PWWP2A: variants seen among roughly 807,000 people sequenced by gnomAD.
The protein encoded by PWWP2A is PWWP domain-containing protein 2A.
In PWWP2A, 18 loss-of-function variants were observed where a neutral mutation model predicts 48.5. The observed-to-expected ratio is 0.37, with a 90% CI of 0.26 to 0.55. PWWP2A has a LOEUF of 0.55. Ranked by LOEUF, PWWP2A falls within the 20% of genes least tolerant of loss-of-function variation. PWWP2A has a pLI of 0.81. For synonymous variants in PWWP2A, 396 were observed against 387.7 expected (o/e 1.02, Z -0.25); for missense variants, 867 against 976.4 (o/e 0.89, Z 1.49).
intron 2 of PWWP2A, among the ~76,000 whole-genome samples, chr5:160,081,871 ACATT>A (rs1205589304): frequency 3.3e-5 from 5 of 152,338 alleles, no homozygotes; most frequent in African/African-American, 7.2e-5. Context: ...TAGTTAGATA[ACATT>A]CAGTCTTTAT....
intron 1 of PWWP2A, among the ~76,000 whole-genome samples, chr5:160,104,342 GATCGCTTGAGCCCA>G (rs1258674454): frequency 6.6e-6 from 1 of 151,340 alleles, no homozygotes; most frequent in Non-Finnish European, 1.5e-5. Context: ...GAGGTGAAAG[GATCGCTTGAGCCCA>G]GAAGGTTAAG....
chr5:160,058,454 A>T (rs985745612), downstream of PWWP2A, among the ~76,000 whole-genome samples: 6 of 135,398 alleles, frequency 4.4e-5, no homozygotes, highest in African/African-American at 1.7e-4. Context: ...TGTGTCGCCC[A>T]GGCTGGAGTG....
intron 4 of PWWP2A, chr5:160,065,577 C>T (rs533332100): frequency 1.4e-5 from 5 of 347,504 alleles, no homozygotes; most frequent in Admixed American, 3.9e-5. Context: ...TGTCACGTAA[C>T]GACAACTAAG....
At chr5:160,116,372 C>T (rs750176007) in intron 1 of PWWP2A, among the ~76,000 whole-genome samples, 1 of 152,186 alleles carries the variant, frequency 6.6e-6, no homozygotes, top group Non-Finnish European at 1.5e-5. Flanking sequence ...AAGAGAATTG[C>T]TTCAGCCCGG....
chr5:160,095,841 C>T (rs1240501335), intron 1 of PWWP2A, among the ~76,000 whole-genome samples: 2 of 151,950 alleles, frequency 1.3e-5, no homozygotes, highest in African/African-American at 4.8e-5. Context: ...ACCACAGACA[C>T]ACGTCACCAT....
At chr5:160,082,135 G>A (rs1413994145) in intron 2 of PWWP2A, among the ~76,000 whole-genome samples, 1 of 152,148 alleles carries the variant, frequency 6.6e-6, no homozygotes, top group African/African-American at 2.4e-5. Flanking sequence ...AAGAATAAGG[G>A]AATCTGAGTG....
At chr5:160,068,955 G>T in intron 2 of PWWP2A, among the ~76,000 whole-genome samples, 1 of 152,286 alleles carries the variant, frequency 6.6e-6, no homozygotes, top group Middle Eastern at 3.4e-3. Context: ...TTAAGACCCA[G>T]CAAGTAATTC....
At chr5:160,087,147 G>C (rs920311750), downstream of PWWP2A, among the ~76,000 whole-genome samples, 2 of 152,162 alleles carry the variant, frequency 1.3e-5, no homozygotes, top group Admixed American at 1.3e-4. Context: ...TGGGGGCCAA[G>C]ACGAGAGGAT....
downstream of PWWP2A, among the ~76,000 whole-genome samples, chr5:160,060,865 T>C (rs1365609028): frequency 6.6e-6 from 1 of 152,260 alleles, no homozygotes; most frequent in African/African-American, 2.4e-5. Flanking sequence ...GACCACACTC[T>C]GGCTTCAGAG....
Position 160,093,243 on chromosome 5 carries a change from G to A in PWWP2A, c.1407C>T (p.Ser469=), listed in dbSNP as rs769297735. 1.9e-6 allele frequency: 3 copies of A among 1,613,988 alleles called. 1 individual carries two copies. In the South Asian group the frequency reaches 3.3e-5, roughly 18 times the overall value. ...TRRYQNPSSG[S]LPPRVRLKPQ... ...GTTTTAAACGAACCCGGGGTGGAAG[G>A]GAACCTGAGCTAGGATTCTGATATC... Residue 469 remains serine (S), a synonymous_variant, in exon 2 of 2, where the codon TCC becomes TCT. Coordinates refer to ENST00000307063, the MANE Select transcript of PWWP2A (RefSeq NM_001130864.2). The surrounding 1 kb of genome is among the most constrained non-coding windows in gnomAD (Gnocchi z 5.8).
intron 2 of PWWP2A, among the ~76,000 whole-genome samples, chr5:160,081,070 A>G (rs1465215813): frequency 2.6e-5 from 4 of 152,098 alleles, no homozygotes; most frequent in Non-Finnish European, 2.9e-5. Flanking sequence ...CAAACTAACA[A>G]ATGAAAGGGG....
In PWWP2A at chr5:160,091,983, CATATATATGTGTGT is replaced by C; in HGVS notation, c.*385_*398del. ...TCATATATATATATGTGTATATATA[CATATATATGTGTGT>C]ATATATACATACACGGATATATATA... On this transcript the variant is annotated 3_prime_UTR_variant, in exon 2 of 2. Transcript: ENST00000307063. 1.4e-6 allele frequency: 1 copy of C among 707,566 alleles called. No individual in the cohort carries two copies. Among genetic ancestry groups the C allele is most frequent in the Non-Finnish European group, 1.7e-6 (1 of 593,266 alleles). 43.8% of individuals were successfully genotyped at this position (707,566 alleles called of 1,614,324 possible).
At chr5:160,067,240 T>C (rs1012180132) in intron 2 of PWWP2A, among the ~76,000 whole-genome samples, 3 of 152,034 alleles carry the variant, frequency 2.0e-5, no homozygotes, top group East Asian at 1.9e-4. Flanking sequence ...GTGAAAAAAA[T>C]AGACTCTTTA....
At chr5:160,047,037 A>G in the PWWP2A span, among the ~76,000 whole-genome samples, 1 of 152,192 alleles carries the variant, frequency 6.6e-6, no homozygotes, top group Admixed American at 6.5e-5. Context: ...AGCAACAAAA[A>G]TGCAATTAAG....
intron 5 of PWWP2A, among the ~76,000 whole-genome samples, chr5:160,062,395 C>G (rs1753443269): frequency 1.3e-5 from 2 of 152,176 alleles, no homozygotes; most frequent in Admixed American, 1.3e-4. Flanking sequence ...CTATTCCCAT[C>G]CCCCGGAGCA....
At chr5:160,091,264 T>TA (rs1755034375), downstream of PWWP2A, 16 of 976,066 alleles carry the variant, frequency 1.6e-5, no homozygotes, top group Non-Finnish European at 1.8e-5. Context: ...TCATCTCTTC[T>TA]AAACACTCTT....
chr5:160,092,810 G>A lies in PWWP2A; in HGVS notation c.1840C>T (p.Pro614Ser), dbSNP rs1254526898. 2 of 1,551,662 alleles carry A rather than the reference G, an allele frequency of 1.3e-6. No individual in the cohort carries two copies. Among genetic ancestry groups the A allele is most frequent in the Non-Finnish European group, 1.7e-6 (2 of 1,146,984 alleles). Reference sequence around the variant, plus strand: ...GAGGAGGAAGTGGAGGAGGTGGAAGGTGCATGCATACTGCCTGGAGGAAAA... The same window carrying A: ...GAGGAGGAAGTGGAGGAGGTGGAAGATGCATGCATACTGCCTGGAGGAAAA... ...FDFPPGSMHAPSTSSTSSSSK... is the reference protein window; with the variant it reads ...FDFPPGSMHASSTSSTSSSSK... Residue 614 changes from proline (P) to serine (S), a missense_variant, in exon 2 of 2, where the codon CCT (proline) becomes TCT (serine). Pro to Ser is a moderately conservative substitution (Grantham distance 74, BLOSUM62 -1). Transcript: ENST00000307063.
chr5:160,118,656 A>T, intron 1 of PWWP2A, 149 bp downstream of exon 1: 1 of 750,736 alleles, frequency 1.3e-6, no homozygotes, highest in Non-Finnish European at 1.9e-6. Context: ...CGCCTGCCCC[A>T]CTCGGAGCGC....
At chr5:160,118,726 C>G in intron 1 of PWWP2A, 79 bp downstream of exon 1, 2 of 1,303,164 alleles carry the variant, frequency 1.5e-6, no homozygotes, top group Non-Finnish European at 2.0e-6. Flanking sequence ...AGCGAGGGCT[C>G]GGGGAGAGGG....
Sources: gnomAD v4.1 joint callset for allele counts (sites outside exome capture counted in the v4.1 genomes callset) on GRCh38, gnomAD v4.1.1 for gene constraint, Gnocchi (gnomAD v3.1) non-coding constraint, MANE v1.5 for transcripts, NCBI Gene and HGNC (gene_info 2026-07-23, HGNC 2026-07-21) for gene names.